The following P3H2 variants were observed in gnomAD, a reference collection of about 807,000 sequenced individuals.
The protein encoded by P3H2 is prolyl 3-hydroxylase 2, also known as leprecan-like 1.
A neutral mutation model predicts 87.0 loss-of-function variants in P3H2; 80 were observed. That is an observed-to-expected ratio of 0.92 (90% confidence interval 0.77 to 1.11). The LOEUF is 1.11. Among genes scored for constraint, P3H2 ranks in the 50% least tolerant of loss-of-function variants. The probability of loss-of-function intolerance (pLI) is 0.00; values close to 1 mark genes in which losing one functional copy is unlikely to be tolerated. For synonymous variants in P3H2, 367 were observed against 359.3 expected, an observed-to-expected ratio of 1.02 and a Z score of -0.24; for missense variants, 1,001 against 923.9, an observed-to-expected ratio of 1.08 and a Z score of -1.08.
At chr3:190,121,340 A>T (rs1242887139), upstream of P3H2, among the ~76,000 whole-genome samples, 1 of 101,420 alleles carries the variant, frequency 9.9e-6, no homozygotes, top group East Asian at 4.5e-4. Context: ...ACGTAAAGTT[A>T]AAAAAAAAAA....
chr3:190,041,603 C>T (rs1274438854), intron 1 of P3H2, among the ~76,000 whole-genome samples: 1 of 152,176 alleles, frequency 6.6e-6, no homozygotes. Flanking sequence ...ACCTGAAAGG[C>T]CTCAAAGACC....
chr3:190,072,218 G>A (rs900755707), intron 1 of P3H2, among the ~76,000 whole-genome samples: 4 of 152,088 alleles, frequency 2.6e-5, no homozygotes, highest in Middle Eastern at 3.4e-3. Flanking sequence ...GTAGAGACGG[G>A]GTTTGACCAT....
rs184932632 is a variant in P3H2 at position 189,986,311 on chromosome 3, G to A, written c.1188+477C>T. On this transcript the variant is annotated intron_variant, in intron 6 of 14. Coordinates refer to ENST00000319332, the MANE Select transcript of P3H2 (RefSeq NM_018192.4). ...TTTAAAGTTCATCAGATGGCCGGGT[G>A]CGGCGGCTCAAGCCTGTAATCCCAG... Among the ~76,000 whole-genome samples, 403 of 152,322 alleles carry A rather than the reference G, an allele frequency of 2.6e-3. 3 individuals carry two copies. Among genetic ancestry groups the A allele is most frequent in the African/African-American group, 9.4e-3 (390 of 41,568 alleles).
intron 1 of P3H2, chr3:190,116,705 T>C (rs1560024700): frequency 6.6e-6 from 1 of 152,244 alleles, no homozygotes; most frequent in East Asian, 1.9e-4. Context: ...CACTGAAGGT[T>C]TCTGAGCAGA....
At chr3:190,055,390 C>T (rs894598165) in intron 1 of P3H2, among the ~76,000 whole-genome samples, 1 of 152,054 alleles carries the variant, frequency 6.6e-6, no homozygotes, top group African/African-American at 2.4e-5. Flanking sequence ...CACATCAGTG[C>T]ATTCTCAATT....
intron 1 of P3H2, among the ~76,000 whole-genome samples, chr3:190,067,055 G>C (rs1726536097): frequency 7.0e-6 from 1 of 143,280 alleles, no homozygotes; most frequent in Non-Finnish European, 1.5e-5. Flanking sequence ...TTGTTGCCCA[G>C]CCTGGTCTCA....
Position 189,957,587 on chromosome 3 carries a change from G to A in P3H2, c.*325C>T. ...TGCCTGTGGTCCCAGCTCCCCGGGA[G>A]GCTTGAAGGATCGCCTGAGCCTAAG... On this transcript the variant is annotated 3_prime_UTR_variant, in exon 15 of 15. Transcript: ENST00000319332. 2.4e-6 allele frequency: 1 copy of A among 423,840 alleles called. No individual in the cohort carries two copies. The highest frequency in any genetic ancestry group is 4.2e-6 in the Non-Finnish European group (1 of 236,328). 26.3% of individuals were successfully genotyped at this position (423,840 alleles called of 1,614,324 possible).
chr3:190,064,201 T>G (rs928037990), intron 1 of P3H2, among the ~76,000 whole-genome samples: 1 of 151,796 alleles, frequency 6.6e-6, no homozygotes, highest in East Asian at 1.9e-4. Context: ...CTTACTATGT[T>G]GCCCAGGGTG....
Position 189,970,853 on chromosome 3 carries a change from TCTC to T in P3H2, c.1853_1855del (p.Gly618del), listed in dbSNP as rs750870529. The T allele has an allele frequency of 6.3e-7, 1 of 1,591,744 alleles. No homozygotes were observed. The highest frequency in any genetic ancestry group is 1.1e-5 in the South Asian group (1 of 90,640). On this transcript the variant is annotated inframe_deletion, in exon 13 of 15. Transcript: ENST00000319332. ...AGCATCCATCTCTGTGAATATGAATTCTCCTCCTTCAAAGTCATCATTCATATA... is the reference window on the plus strand; with the variant it reads ...AGCATCCATCTCTGTGAATATGAATTCTCCTTCAAAGTCATCATTCATATA...
chr3:190,027,934 C>T (rs1725132432), intron 1 of P3H2, among the ~76,000 whole-genome samples: 1 of 150,302 alleles, frequency 6.7e-6, no homozygotes, highest in Non-Finnish European at 1.5e-5. Context: ...GGCCACTGCA[C>T]TCTAGCCTGG....
intron 1 of P3H2, among the ~76,000 whole-genome samples, chr3:190,050,318 A>G (rs565803308): frequency 2.6e-5 from 4 of 152,304 alleles, no homozygotes; most frequent in African/African-American, 9.6e-5. Flanking sequence ...AGCTTTTTAG[A>G]TATTTGAAAG....
chr3:190,035,174 T>C (rs572817258), intron 1 of P3H2, among the ~76,000 whole-genome samples: 1 of 152,150 alleles, frequency 6.6e-6, no homozygotes, highest in East Asian at 1.9e-4. Flanking sequence ...TTTCTTTTCT[T>C]TTTTTTGGTT....
chr3:190,102,570 T>C lies in P3H2; in HGVS notation c.480+17682A>G, dbSNP rs555443023. The stretch of plus-strand genomic sequence containing the variant: ...AATTACTGAAATCTTATAATAAAAC[T>C]CGAACAGATAAAAAGTTGCTTCTTA... On this transcript the variant is annotated intron_variant, in intron 1 of 14. Coordinates refer to ENST00000319332, the MANE Select transcript of P3H2 (RefSeq NM_018192.4). Among the ~76,000 whole-genome samples the C allele has an allele frequency of 3.3e-5, 5 of 152,280 alleles. No individual in the cohort carries two copies. The South Asian group carries it at 1.0e-3, about 32-fold the overall frequency.
At chr3:190,056,487 A>G (rs1169114775) in intron 1 of P3H2, among the ~76,000 whole-genome samples, 1 of 152,204 alleles carries the variant, frequency 6.6e-6, no homozygotes, top group Non-Finnish European at 1.5e-5. Flanking sequence ...ATTGTTCTCA[A>G]ATGAATTCTG....
chr3:190,011,146 G>A (rs150924640), intron 1 of P3H2, among the ~76,000 whole-genome samples: 88 of 152,072 alleles, frequency 5.8e-4, no homozygotes, highest in African/African-American at 1.9e-3. Context: ...ATGGTGGCAC[G>A]CACCTGTAGT....
chr3:190,033,558 A>C (rs764273649), intron 1 of P3H2, among the ~76,000 whole-genome samples: 3 of 152,186 alleles, frequency 2.0e-5, no homozygotes, highest in Non-Finnish European at 4.4e-5. Context: ...TCTCATGTTT[A>C]GTACATGTCT....
At chr3:189,995,528 C>A in intron 1 of P3H2, 86 bp from the exon 2 acceptor site, 3 of 1,346,900 alleles carry the variant, frequency 2.2e-6, no homozygotes, top group Non-Finnish European at 3.1e-6. Context: ...CAAAATCTCA[C>A]AGTTTAAGAA....
intron 8 of P3H2, among the ~76,000 whole-genome samples, chr3:189,976,521 C>T (rs749167164): frequency 1.3e-5 from 2 of 152,162 alleles, no homozygotes; most frequent in Non-Finnish European, 2.9e-5. Flanking sequence ...TCCACCTGGC[C>T]CTGCCCTTGA....
At chr3:190,103,892 A>G (rs1297072694) in intron 1 of P3H2, among the ~76,000 whole-genome samples, 1 of 151,992 alleles carries the variant, frequency 6.6e-6, no homozygotes, top group Non-Finnish European at 1.5e-5. Context: ...CCCAGGTTCA[A>G]CCGATTCTCG....
Sources: allele counts gnomAD v4.1 joint callset (sites outside exome capture counted in the v4.1 genomes callset), GRCh38; gene constraint gnomAD v4.1.1; transcripts MANE v1.5; gene names NCBI Gene and HGNC (gene_info 2026-07-23, HGNC 2026-07-21).